Variants in HMGXB3 observed in about 807,000 individuals in gnomAD.
The protein encoded by HMGXB3 is HMG domain-containing protein 3.
A neutral mutation model predicts 121.5 loss-of-function variants in HMGXB3; 45 were observed. The ratio of observed to expected loss-of-function variants is 0.37; its 90% CI spans 0.29 to 0.47. The LOEUF (loss-of-function observed/expected upper bound fraction) is 0.47. Among genes scored for constraint, HMGXB3 ranks in the 20% least tolerant of loss-of-function variants. HMGXB3 has a pLI of 0.99. For missense variants in HMGXB3, 1,376 were observed against 1,602.2 expected, an observed-to-expected ratio of 0.86 and a Z score of 2.41; for synonymous variants, 590 against 624.1, an observed-to-expected ratio of 0.95 and a Z score of 0.81.
At chr5:150,017,533 A>G (rs1475474581) in intron 5 of HMGXB3, among the ~76,000 whole-genome samples, 1 of 152,158 alleles carries the variant, frequency 6.6e-6, no homozygotes, top group East Asian at 1.9e-4. Context: ...TTAGTGGCAA[A>G]ATTGGAACCC....
At chr5:150,017,126 T>TTATGATTAATAC (rs1180489367) in intron 5 of HMGXB3, among the ~76,000 whole-genome samples, 8 of 152,210 alleles carry the variant, frequency 5.3e-5, no homozygotes, top group Non-Finnish European at 1.2e-4. Context: ...GAAAAGTGTT[T>TTATGATTAATAC]TATGATTAAT....
Position 150,037,393 on chromosome 5 carries a change from G to A in HMGXB3, c.2286-7G>A, listed in dbSNP as rs910699948. 13 of 1,537,214 alleles carry A rather than the reference G, an allele frequency of 8.5e-6. No individual in the cohort carries two copies. The highest frequency in any genetic ancestry group is 1.4e-5 in the African/African-American group (1 of 72,118). ...TTTTTTTTTGTTGGTGATGTTTCTG[G>A]TACTAGCTCCCTGGCTGGGCCCCAG... On this transcript the variant is annotated splice_polypyrimidine_tract_variant and splice_region_variant and intron_variant, in intron 12 of 19. Transcript: ENST00000502717.
chr5:150,024,906 TC>T (rs1756190942), intron 7 of HMGXB3, among the ~76,000 whole-genome samples: 1 of 152,196 alleles, frequency 6.6e-6, no homozygotes, highest in South Asian at 2.1e-4. Flanking sequence ...CTTGTCAGTC[TC>T]CCTAAAGCAT....
At chr5:150,009,227 C>T (rs777999195) in intron 3 of HMGXB3, among the ~76,000 whole-genome samples, 33 of 152,102 alleles carry the variant, frequency 2.2e-4, no homozygotes, top group Non-Finnish European at 3.5e-4. Flanking sequence ...GAAGACCTGG[C>T]CTGGAGTCCC....
At chr5:150,043,697 A>G (rs894473268) in intron 15 of HMGXB3, among the ~76,000 whole-genome samples, 3 of 152,178 alleles carry the variant, frequency 2.0e-5, no homozygotes, top group East Asian at 3.8e-4. Context: ...TACTATGCCA[A>G]GTTCTTAATC....
chr5:150,035,444 A>G (rs931135057), intron 11 of HMGXB3, among the ~76,000 whole-genome samples: 1 of 152,198 alleles, frequency 6.6e-6, no homozygotes, highest in Non-Finnish European at 1.5e-5. Context: ...CCTGCCTCCA[A>G]CGTTGGGGAT....
intron 6 of HMGXB3, among the ~76,000 whole-genome samples, chr5:150,023,315 G>A (rs1259101864): frequency 6.6e-6 from 1 of 152,104 alleles, no homozygotes; most frequent in Non-Finnish European, 1.5e-5. Context: ...ATGCTGTCTG[G>A]CTCCTGTTGA....
At chr5:150,008,059 A>T (rs202168002) in intron 3 of HMGXB3, among the ~76,000 whole-genome samples, 17,585 of 102,818 alleles carry the variant, frequency 0.17, 1,815 homozygotes, top group African/African-American at 0.33. Flanking sequence ...TCTGTTTCAC[A>T]CACACACACA....
At chr5:150,051,590 T>G (rs911135974) in intron 19 of HMGXB3, 135 bp from the exon 20 acceptor site, 3 of 678,074 alleles carry the variant, frequency 4.4e-6, no homozygotes. Context: ...CGGGCAGGGG[T>G]TGGCCTAGGA....
chr5:150,005,519 A>C (rs562022319), intron 2 of HMGXB3, among the ~76,000 whole-genome samples: 2 of 151,508 alleles, frequency 1.3e-5, no homozygotes, highest in East Asian at 1.9e-4. Flanking sequence ...GAATCACTTG[A>C]ATCTGGGAGG....
Position 150,036,727 on chromosome 5 carries a change from T to C in HMGXB3, c.2075T>C (p.Leu692Pro). The change falls in exon 12 of 20, where the codon CTG (leucine) becomes CCG (proline). Residue 692 changes from leucine (L) to proline (P), a missense_variant. Transcript: ENST00000502717. ...ATCCAGCGCCAGTCCACACTGCAGCTGCTGCGCAAAGTCCTGCAGATTCCT... is the reference window on the plus strand; with the variant it reads ...ATCCAGCGCCAGTCCACACTGCAGCCGCTGCGCAAAGTCCTGCAGATTCCT... ...REIQRQSTLQLLRKVLQIPEN... is the reference protein window; with the variant it reads ...REIQRQSTLQPLRKVLQIPEN... 1 of 1,551,628 alleles carries C rather than the reference T, an allele frequency of 6.4e-7. No individual in the cohort carries two copies. The highest frequency in any genetic ancestry group is 8.7e-7 in the Non-Finnish European group (1 of 1,147,020).
At chr5:150,016,437 ACT>A (rs1313744856) in intron 5 of HMGXB3, among the ~76,000 whole-genome samples, 2 of 151,412 alleles carry the variant, frequency 1.3e-5, no homozygotes, top group Non-Finnish European at 2.9e-5. Context: ...GCAAATTTTG[ACT>A]CTCTTGCGAA....
At chr5:150,029,448 A>G (rs1756321916) in intron 9 of HMGXB3, among the ~76,000 whole-genome samples, 1 of 152,136 alleles carries the variant, frequency 6.6e-6, no homozygotes, top group Non-Finnish European at 1.5e-5. Flanking sequence ...GAGCTATAAA[A>G]GGATCTCTCA....
At position 150,004,857 on chromosome 5, in the gene HMGXB3, A is replaced by G. The variant is rs1312619257; in HGVS notation, c.5A>G (p.Asp2Gly). Reference protein sequence around the residue: MDASYDGTEVTV... With the variant: MGASYDGTEVTV... ...TGACTTTCCTTTCCTTTAGCCATGG[A>G]CGCATCATATGATGGTACTGAGGTA... is the stretch of plus-strand genomic sequence containing the variant. Residue 2 changes from aspartate to glycine, a missense_variant, in exon 2 of 20, where the codon GAC (aspartate) becomes GGC (glycine). Asp to Gly is a moderately conservative substitution (Grantham distance 94). Coordinates refer to ENST00000502717, the MANE Select transcript of HMGXB3 (RefSeq NM_014983.3). The G allele has an allele frequency of 1.3e-6, 2 of 1,546,646 alleles. No homozygotes were observed. Among genetic ancestry groups the G allele is most frequent in the Non-Finnish European group, 1.7e-6 (2 of 1,144,886 alleles).
At chr5:150,007,068 G>T (rs1755720691) in intron 3 of HMGXB3, among the ~76,000 whole-genome samples, 1 of 152,232 alleles carries the variant, frequency 6.6e-6, no homozygotes, top group African/African-American at 2.4e-5. Flanking sequence ...CAGGAATAAG[G>T]TTTGCATGTT....
At position 150,026,700 on chromosome 5, in the gene HMGXB3, T is replaced by C; in HGVS notation, c.1461-6T>C. 6.5e-7 allele frequency: 1 copy of C among 1,547,684 alleles called. No individual in the cohort carries two copies. The highest frequency in any genetic ancestry group is 2.0e-5 in the Admixed American group (1 of 49,682). On this transcript the variant is annotated splice_polypyrimidine_tract_variant and splice_region_variant and intron_variant, in intron 7 of 19. Coordinates refer to ENST00000502717, the MANE Select transcript of HMGXB3 (RefSeq NM_014983.3). ...ATTTCCAGATTTCTCTTCTTATTCT[T>C]TTCAGAGCTGACCTGCTTACCCCTG...
At chr5:150,049,539 G>A (rs1290236216) in intron 18 of HMGXB3, among the ~76,000 whole-genome samples, 1 of 152,114 alleles carries the variant, frequency 6.6e-6, no homozygotes, top group Admixed American at 6.5e-5. Context: ...AACAGAAGCT[G>A]TGTCTGAAGG....
At position 150,051,706 on chromosome 5, in the gene HMGXB3, A is replaced by G. The variant is rs373082745; in HGVS notation, c.3412-19A>G. On this transcript the variant is annotated intron_variant, in intron 19 of 19. Coordinates refer to ENST00000502717, the MANE Select transcript of HMGXB3 (RefSeq NM_014983.3). ...TAGTCATTCCTTCTTATCAAAATGC[A>G]TTCTCATTTCTCTTCTAGAGTGTGT... 82 of 1,490,378 alleles carry G rather than the reference A, an allele frequency of 5.5e-5. No individual in the cohort carries two copies. The East Asian group carries it at 1.5e-3, about 27-fold the overall frequency. The allele number at this position is 1,490,378 out of a possible 1,614,324, so 92.3% of individuals were successfully genotyped here.
chr5:150,011,573 GGTT>G (rs1554097618), intron 4 of HMGXB3, among the ~76,000 whole-genome samples: 18 of 151,504 alleles, frequency 1.2e-4, no homozygotes, highest in Admixed American at 4.6e-4. Flanking sequence ...GCAACTAGCC[GGTT>G]GTTGTTGTTG....
Sources: allele counts gnomAD v4.1 joint callset (sites outside exome capture counted in the v4.1 genomes callset), GRCh38; gene constraint gnomAD v4.1.1; transcripts MANE v1.5; gene names NCBI Gene and HGNC (gene_info 2026-07-23, HGNC 2026-07-21).